Variants in AGBL4 observed in about 807,000 individuals in gnomAD.
AGBL4 encodes the protein AGBL carboxypeptidase 4.
A neutral mutation model predicts 66.4 loss-of-function variants in AGBL4; 58 were observed. That is an observed-to-expected ratio of 0.87 (90% CI 0.71 to 1.09). The LOEUF is 1.09. AGBL4 is among the 50% of genes least tolerant of loss of function. The probability of loss-of-function intolerance (pLI) is 0.00; values close to 1 mark genes in which losing one functional copy is unlikely to be tolerated. For missense variants in AGBL4, 579 were observed against 631.0 expected (o/e 0.92, Z 0.88); for synonymous variants, 234 against 222.9 (o/e 1.05, Z -0.44).
chr1:49,118,521 A>T (rs576128000), intron 4 of AGBL4, among the ~76,000 whole-genome samples: 1 of 152,194 alleles, frequency 6.6e-6, no homozygotes, highest in Non-Finnish European at 1.5e-5. Context: ...CATATGTTGA[A>T]CTGGCCCTGC....
chr1:49,376,849 A>G (rs185273708), intron 3 of AGBL4, among the ~76,000 whole-genome samples: 8 of 152,182 alleles, frequency 5.3e-5, no homozygotes, highest in Middle Eastern at 3.4e-3. Context: ...ATAAAACATA[A>G]ATTCTCTTAG....
chr1:48,753,298 G>A (rs993658308), intron 6 of AGBL4, among the ~76,000 whole-genome samples: 3 of 152,192 alleles, frequency 2.0e-5, no homozygotes, highest in African/African-American at 7.2e-5. Context: ...CACCTGAGAA[G>A]GGTTAAACAA....
chr1:48,669,457 T>C (rs1430528592), intron 6 of AGBL4, among the ~76,000 whole-genome samples: 1 of 151,760 alleles, frequency 6.6e-6, no homozygotes, highest in African/African-American at 2.4e-5. Context: ...CAGTAACACC[T>C]CTCCCTCCAG....
intron 6 of AGBL4, among the ~76,000 whole-genome samples, chr1:48,813,316 G>A (rs1254299336): frequency 6.6e-6 from 1 of 152,110 alleles, no homozygotes; most frequent in African/African-American, 2.4e-5. Flanking sequence ...TTGTTTTAGA[G>A]AAATACAGGC....
intron 4 of AGBL4, among the ~76,000 whole-genome samples, chr1:49,159,608 G>C (rs563573446): frequency 2.3e-3 from 345 of 152,282 alleles, no homozygotes; most frequent in African/African-American, 8.0e-3. Flanking sequence ...ATGTTGGCCT[G>C]TCTTGCTAGG....
chr1:49,523,448 A>G (rs1415972715), intron 3 of AGBL4, among the ~76,000 whole-genome samples: 1 of 152,092 alleles, frequency 6.6e-6, no homozygotes, highest in African/African-American at 2.4e-5. Context: ...AAGAATATAT[A>G]TAGTGCTTTG....
intron 4 of AGBL4, among the ~76,000 whole-genome samples, chr1:49,218,401 A>G (rs1157990840): frequency 6.6e-6 from 1 of 152,154 alleles, no homozygotes. Flanking sequence ...GCAGTCCAGT[A>G]ATCTAAGAGG....
chr1:48,839,365 G>A (rs1646749097), intron 6 of AGBL4, among the ~76,000 whole-genome samples: 1 of 152,026 alleles, frequency 6.6e-6, no homozygotes, highest in Admixed American at 6.6e-5. Context: ...ACATATATGT[G>A]AAATTGAATG....
intron 5 of AGBL4, among the ~76,000 whole-genome samples, chr1:48,881,215 A>G (rs1228333668): frequency 6.6e-6 from 1 of 152,220 alleles, no homozygotes; most frequent in African/African-American, 2.4e-5. Flanking sequence ...TGTGTGAGAT[A>G]AAGATTTTAC....
At chr1:49,319,206 T>C (rs1479958839) in intron 3 of AGBL4, among the ~76,000 whole-genome samples, 1 of 152,192 alleles carries the variant, frequency 6.6e-6, no homozygotes, top group Non-Finnish European at 1.5e-5. Flanking sequence ...AAACCACGAC[T>C]AACTTGTTCA....
chr1:49,113,694 A>C (rs991431905), intron 4 of AGBL4, among the ~76,000 whole-genome samples: 12 of 152,272 alleles, frequency 7.9e-5, no homozygotes, highest in Admixed American at 2.6e-4. Context: ...AAGACTTGAA[A>C]GTTGAAATAA....
chr1:49,590,337 A>C (rs951719802), intron 3 of AGBL4, among the ~76,000 whole-genome samples: 1 of 152,148 alleles, frequency 6.6e-6, no homozygotes, highest in South Asian at 2.1e-4. Context: ...GAAAAAGATA[A>C]AACAGAAAAT....
chr1:49,827,781 T>C (rs1645549153), intron 2 of AGBL4, among the ~76,000 whole-genome samples: 1 of 152,184 alleles, frequency 6.6e-6, no homozygotes, highest in South Asian at 2.1e-4. Context: ...ATGAGCATCA[T>C]ACAAGTCATG....
At chr1:49,965,695 C>G (rs1292755332) in intron 1 of AGBL4, among the ~76,000 whole-genome samples, 2 of 152,052 alleles carry the variant, frequency 1.3e-5, no homozygotes, top group Non-Finnish European at 2.9e-5. Flanking sequence ...TGTCATTGTC[C>G]AACCTTTCTA....
chr1:48,681,666 T>G (rs1244116279), intron 6 of AGBL4, among the ~76,000 whole-genome samples: 1 of 152,174 alleles, frequency 6.6e-6, no homozygotes, highest in Non-Finnish European at 1.5e-5. Context: ...TTCTCCCCAC[T>G]CCTGGCTCCT....
At chr1:49,750,135 C>A (rs553684956) in intron 2 of AGBL4, among the ~76,000 whole-genome samples, 1 of 152,162 alleles carries the variant, frequency 6.6e-6, no homozygotes, top group African/African-American at 2.4e-5. Flanking sequence ...GGATCATATA[C>A]CCAAATGTAA....
At chr1:49,625,539 G>A (rs1645448435) in intron 3 of AGBL4, among the ~76,000 whole-genome samples, 2 of 152,174 alleles carry the variant, frequency 1.3e-5, no homozygotes, top group African/African-American at 4.8e-5. Context: ...TATCAAAGAA[G>A]CACACTGCAG....
chr1:49,023,581 T>A (rs965697365), intron 5 of AGBL4, among the ~76,000 whole-genome samples: 1 of 152,198 alleles, frequency 6.6e-6, no homozygotes, highest in Non-Finnish European at 1.5e-5. Context: ...TTGAGCACTC[T>A]TAATATGACA....
intron 6 of AGBL4, among the ~76,000 whole-genome samples, chr1:48,855,861 T>C (rs1441899960): frequency 6.6e-6 from 1 of 152,098 alleles, no homozygotes; most frequent in Non-Finnish European, 1.5e-5. Context: ...TCCCTAGTAA[T>C]CTATTTTAGG....
Sources: gnomAD v4.1 joint callset for allele counts (sites outside exome capture counted in the v4.1 genomes callset) on GRCh38, gnomAD v4.1.1 for gene constraint, MANE v1.5 for transcripts, NCBI Gene and HGNC (gene_info 2026-07-23, HGNC 2026-07-21) for gene names.